The following ZNF804B variants were observed in gnomAD, a reference collection of about 807,000 sequenced individuals.
ZNF804B encodes the protein zinc finger protein 804B.
A neutral mutation model predicts 101.4 loss-of-function variants in ZNF804B; 80 were observed. The observed-to-expected ratio is 0.79, with a 90% CI of 0.66 to 0.95. The LOEUF (loss-of-function observed/expected upper bound fraction) is 0.95, where lower values mean the gene tolerates loss of function less well. ZNF804B is among the 40% of genes least tolerant of loss of function. ZNF804B has a pLI of 0.00. For synonymous variants in ZNF804B, 622 were observed against 558.8 expected, an observed-to-expected ratio of 1.11 and a Z score of -1.59; for missense variants, 1,673 against 1,561.9, an observed-to-expected ratio of 1.07 and a Z score of -1.20.
chr7:88,925,821 C>A (rs1286397055), intron 1 of ZNF804B, among the ~76,000 whole-genome samples: 1 of 151,938 alleles, frequency 6.6e-6, no homozygotes, highest in Non-Finnish European at 1.5e-5. Context: ...ATCTAGCAGG[C>A]AAAGGAGAGC....
chr7:88,936,449 G>T (rs1792971271), intron 1 of ZNF804B, among the ~76,000 whole-genome samples: 1 of 152,048 alleles, frequency 6.6e-6, no homozygotes, highest in Admixed American at 6.6e-5. Context: ...AAGACTTGAA[G>T]GGCCAGATAG....
chr7:89,199,984 C>CAT (rs559652559), intron 1 of ZNF804B, among the ~76,000 whole-genome samples: 5 of 148,872 alleles, frequency 3.4e-5, no homozygotes, highest in Non-Finnish European at 5.9e-5. Flanking sequence ...CTATAATATA[C>CAT]ATATATATAT....
chr7:89,082,415 G>A (rs952708156), intron 1 of ZNF804B, among the ~76,000 whole-genome samples: 28 of 151,430 alleles, frequency 1.8e-4, no homozygotes, highest in Admixed American at 1.5e-3. Flanking sequence ...ACCTATTATA[G>A]TAATGTTCTC....
At chr7:89,264,882 G>A (rs1156308439) in intron 2 of ZNF804B, among the ~76,000 whole-genome samples, 1 of 152,064 alleles carries the variant, frequency 6.6e-6, no homozygotes, top group Non-Finnish European at 1.5e-5. Context: ...CTTCAGACTT[G>A]TTACTCTGTA....
In ZNF804B at chr7:89,163,757, C is replaced by A. The variant is rs138582359; in HGVS notation, c.109-54398C>A. 1.1e-3 allele frequency among the ~76,000 whole-genome samples: 175 copies of A among 152,200 alleles called. 4 individuals carry two copies. The East Asian group carries it at 0.027, about 24-fold the overall frequency. On this transcript the variant is annotated intron_variant, in intron 1 of 3. Transcript: ENST00000333190. ...CAGTGTGTTGAACCTATACCTGCTT[C>A]ATAAACATTTTCTGCATAGATCTTC... is the stretch of plus-strand genomic sequence containing the variant.
intron 1 of ZNF804B, among the ~76,000 whole-genome samples, chr7:88,776,827 T>A (rs1160139671): frequency 1.6e-5 from 2 of 124,538 alleles, no homozygotes; most frequent in Non-Finnish European, 3.2e-5. Context: ...TAAGGAAATA[T>A]TAGTGCAAAA....
chr7:88,999,780 G>A (rs1474351308), intron 1 of ZNF804B, among the ~76,000 whole-genome samples: 3 of 151,888 alleles, frequency 2.0e-5, no homozygotes, highest in African/African-American at 7.3e-5. Flanking sequence ...CAGAAGCAAA[G>A]TTTGGCTGTG....
intron 2 of ZNF804B, among the ~76,000 whole-genome samples, chr7:89,286,141 T>A (rs1790192582): frequency 1.3e-5 from 2 of 152,096 alleles, no homozygotes; most frequent in South Asian, 4.2e-4. Context: ...GCAACTAAGG[T>A]GTTGAGGTGG....
At chr7:89,021,698 C>G (rs1403724658) in intron 1 of ZNF804B, among the ~76,000 whole-genome samples, 1 of 152,066 alleles carries the variant, frequency 6.6e-6, no homozygotes, top group Non-Finnish European at 1.5e-5. Flanking sequence ...AATCCTAAAC[C>G]TAGGTTTTGA....
chr7:88,973,084 G>A, intron 1 of ZNF804B, among the ~76,000 whole-genome samples: 1 of 150,272 alleles, frequency 6.7e-6, no homozygotes. Context: ...AGTAACTATT[G>A]GTATTTTAAT....
At chr7:88,810,254 T>C (rs183027683) in intron 1 of ZNF804B, among the ~76,000 whole-genome samples, 91 of 152,276 alleles carry the variant, frequency 6.0e-4, no homozygotes, top group African/African-American at 1.9e-3. Context: ...TCTACCTTGC[T>C]TTTACCACTT....
At chr7:88,833,938 G>GT in intron 1 of ZNF804B, among the ~76,000 whole-genome samples, 1 of 151,778 alleles carries the variant, frequency 6.6e-6, no homozygotes, top group Non-Finnish European at 1.5e-5. Context: ...GAGATCAGAT[G>GT]TTTTTTCAGG....
intron 1 of ZNF804B, among the ~76,000 whole-genome samples, chr7:88,869,527 G>A (rs541774917): frequency 1.3e-5 from 2 of 152,238 alleles, no homozygotes; most frequent in Admixed American, 6.5e-5. Context: ...CACTCCATCA[G>A]ATAGGGGAAT....
intron 2 of ZNF804B, among the ~76,000 whole-genome samples, chr7:89,236,156 C>T (rs1193411292): frequency 6.6e-6 from 1 of 152,032 alleles, no homozygotes; most frequent in Non-Finnish European, 1.5e-5. Context: ...ATTTATTTAG[C>T]TCCTACCATT....
Position 88,787,807 on chromosome 7 carries a change from T to A in ZNF804B, c.108+27723T>A, listed in dbSNP as rs1302419815. ...CCAGAGTGGCTCTCTTGATTAAACC[T>A]TCTGCTATACTGTCTTTATGTTTGA... On this transcript the variant is annotated intron_variant, in intron 1 of 3. Coordinates refer to ENST00000333190, the MANE Select transcript of ZNF804B (RefSeq NM_181646.5). Among the ~76,000 whole-genome samples the A allele has an allele frequency of 4.6e-5, 7 of 152,296 alleles. No homozygotes were observed. The East Asian group carries it at 1.4e-3, about 29-fold the overall frequency.
chr7:88,788,695 A>G (rs1341951176), intron 1 of ZNF804B, among the ~76,000 whole-genome samples: 1 of 152,154 alleles, frequency 6.6e-6, no homozygotes, highest in Non-Finnish European at 1.5e-5. Flanking sequence ...TGTATAACAC[A>G]TATTTGTTAA....
chr7:89,115,729 C>G (rs1211070987), intron 1 of ZNF804B, among the ~76,000 whole-genome samples: 1 of 152,014 alleles, frequency 6.6e-6, no homozygotes, highest in Non-Finnish European at 1.5e-5. Context: ...TAATAAAGCT[C>G]TAAAAGGTTG....
chr7:89,234,342 C>T (rs1258047861), intron 2 of ZNF804B, among the ~76,000 whole-genome samples: 1 of 151,668 alleles, frequency 6.6e-6, no homozygotes, highest in Non-Finnish European at 1.5e-5. Context: ...ATTAAATTGA[C>T]TACTACTCCA....
chr7:89,318,052 A>G (rs933276499), intron 2 of ZNF804B, among the ~76,000 whole-genome samples: 2 of 152,144 alleles, frequency 1.3e-5, no homozygotes, highest in Non-Finnish European at 2.9e-5. Flanking sequence ...ATCAAAGAAC[A>G]CTCTTCAATA....
Sources: allele counts gnomAD v4.1 joint callset (sites outside exome capture counted in the v4.1 genomes callset), GRCh38; gene constraint gnomAD v4.1.1; transcripts MANE v1.5; gene names NCBI Gene and HGNC (gene_info 2026-07-23, HGNC 2026-07-21).